SMG6: variants seen among roughly 807,000 people sequenced by gnomAD.
SMG6 encodes telomerase-binding protein EST1A.
Under a neutral mutation model 142.2 loss-of-function variants are expected in SMG6, and 66 were observed. The observed-to-expected ratio is 0.46, with a 90% CI of 0.38 to 0.57. The LOEUF is 0.57. SMG6 is among the 20% of genes least tolerant of loss of function. SMG6 has a pLI of 0.00. For missense variants in SMG6, 1,793 were observed against 1,832.0 expected, an observed-to-expected ratio of 0.98 and a Z score of 0.39; for synonymous variants, 779 against 702.4, an observed-to-expected ratio of 1.11 and a Z score of -1.72.
At chr17:2,234,317 T>C (rs937740871) in intron 10 of SMG6, among the ~76,000 whole-genome samples, 4 of 151,952 alleles carry the variant, frequency 2.6e-5, no homozygotes, top group Non-Finnish European at 5.9e-5. Context: ...GGCTGCAGTA[T>C]AGTTTGCAAT....
chr17:2,250,764 G>A (rs960120813), intron 8 of SMG6, among the ~76,000 whole-genome samples: 3 of 152,078 alleles, frequency 2.0e-5, no homozygotes, highest in Non-Finnish European at 4.4e-5. Flanking sequence ...AACATAGGTG[G>A]AGACCAAATT....
chr17:2,110,355 G>A (rs548271424), intron 13 of SMG6, among the ~76,000 whole-genome samples: 2 of 152,084 alleles, frequency 1.3e-5, no homozygotes, highest in African/African-American at 4.8e-5. Context: ...GCCCTGTTGC[G>A]AGTTTCTGGT....
In SMG6 at chr17:2,207,424, A is replaced by G. The variant is rs145619229; in HGVS notation, c.2870-18909T>C. 2.9e-3 allele frequency among the ~76,000 whole-genome samples: 442 copies of G among 152,332 alleles called. 8 individuals are homozygous for G. Among genetic ancestry groups the G allele is most frequent in the East Asian group, 9.6e-4 (5 of 5,196 alleles). ...CAGTTGTTTAGTCAACATTCTGTACATGACACCTCTGACTAAGGGTCAGAG... is the reference window on the plus strand; with the variant it reads ...CAGTTGTTTAGTCAACATTCTGTACGTGACACCTCTGACTAAGGGTCAGAG... On this transcript the variant is annotated intron_variant, in intron 10 of 18. Coordinates refer to ENST00000263073, the MANE Select transcript of SMG6 (RefSeq NM_017575.5).
intron 13 of SMG6, among the ~76,000 whole-genome samples, chr17:2,104,243 G>A (rs2069093994): frequency 4.0e-5 from 6 of 151,880 alleles, no homozygotes; most frequent in East Asian, 1.9e-4. Flanking sequence ...GAGCCACCGC[G>A]CCCGGCCACA....
intron 10 of SMG6, among the ~76,000 whole-genome samples, chr17:2,209,352 G>A (rs747411631): frequency 2.0e-5 from 3 of 151,964 alleles, no homozygotes; most frequent in Admixed American, 6.6e-5. Context: ...ACACGTGCAC[G>A]CCACCATGCC....
Position 2,128,784 on chromosome 17 carries a change from A to G in SMG6, c.3358-42883T>C, listed in dbSNP as rs138212879. On this transcript the variant is annotated intron_variant, in intron 13 of 18. Coordinates refer to ENST00000263073, the MANE Select transcript of SMG6 (RefSeq NM_017575.5). ...GGTTGCACTGAGCCAAGATCGCGCC[A>G]CGGCACTCTAGCCTGGGTGACAGAG... Among the ~76,000 whole-genome samples, 166 of 144,502 alleles carry G rather than the reference A, an allele frequency of 1.1e-3. 2 individuals are homozygous for G. The highest frequency in any genetic ancestry group is 3.0e-3 in the Admixed American group (42 of 14,012). The allele number at this position is 144,502 out of a possible 152,430, so 94.8% of individuals were successfully genotyped here.
chr17:2,131,758 G>C (rs1465789804), intron 13 of SMG6, among the ~76,000 whole-genome samples: 1 of 152,130 alleles, frequency 6.6e-6, no homozygotes, highest in Non-Finnish European at 1.5e-5. Flanking sequence ...ATTCAGACTT[G>C]CAAATCAATA....
intron 13 of SMG6, among the ~76,000 whole-genome samples, chr17:2,114,954 A>AT (rs2069456072): frequency 1.2e-5 from 1 of 85,018 alleles, no homozygotes; most frequent in African/African-American, 5.8e-5. Context: ...AATAAAATAA[A>AT]AAAATGAAAT....
At chr17:2,275,283 A>G (rs1332556032) in intron 8 of SMG6, among the ~76,000 whole-genome samples, 2 of 152,096 alleles carry the variant, frequency 1.3e-5, no homozygotes, top group South Asian at 2.1e-4. Context: ...TCAGCTGGGC[A>G]TGGTGGTGCG....
At chr17:2,077,221 A>G (rs1242149075) in intron 15 of SMG6, among the ~76,000 whole-genome samples, 1 of 152,184 alleles carries the variant, frequency 6.6e-6, no homozygotes, top group Admixed American at 6.5e-5. Flanking sequence ...TGCTAAACTG[A>G]GCTGAAGACA....
intron 18 of SMG6, among the ~76,000 whole-genome samples, chr17:2,063,846 G>A (rs1051220633): frequency 1.3e-5 from 2 of 152,120 alleles, no homozygotes; most frequent in Non-Finnish European, 2.9e-5. Flanking sequence ...AGGTGGCCTC[G>A]GGTGAGGGGA....
At chr17:2,067,713 C>G (rs1398158575) in intron 16 of SMG6, among the ~76,000 whole-genome samples, 1 of 152,148 alleles carries the variant, frequency 6.6e-6, no homozygotes, top group African/African-American at 2.4e-5. Flanking sequence ...AGGGCTGCTT[C>G]GGTGCCAACA....
At position 2,303,777 on chromosome 17, in the gene SMG6, A is replaced by T; in HGVS notation, c.-57T>A. On this transcript the variant is annotated 5_prime_UTR_variant, in exon 1 of 19. Coordinates refer to ENST00000263073, the MANE Select transcript of SMG6 (RefSeq NM_017575.5). ...CCGCCACCGCCGCGCGCAGCCAGGA[A>T]ACCACCACAGACGGGCGGCGCGCGC... is the stretch of plus-strand genomic sequence containing the variant. 7.0e-7 allele frequency: 1 copy of T among 1,418,978 alleles called. No individual in the cohort carries two copies. The highest frequency in any genetic ancestry group is 9.4e-7 in the Non-Finnish European group (1 of 1,067,738). 87.9% of individuals were successfully genotyped at this position (1,418,978 alleles called of 1,614,324 possible).
At chr17:2,087,682 A>G (rs914286854) in intron 13 of SMG6, 2 of 988,760 alleles carry the variant, frequency 2.0e-6, no homozygotes, top group Non-Finnish European at 2.4e-6. Flanking sequence ...CATTGCGTGT[A>G]TTCAAACATG....
intron 8 of SMG6, among the ~76,000 whole-genome samples, chr17:2,254,992 GAAC>G (rs2151320996): frequency 6.6e-6 from 1 of 152,230 alleles, no homozygotes; most frequent in East Asian, 1.9e-4. Context: ...TAAGCAAAGG[GAAC>G]AACATATATG....
chr17:2,273,751 C>T lies in SMG6; in HGVS notation c.2661+8896G>A, dbSNP rs567022719. Among the ~76,000 whole-genome samples, 9 of 151,776 alleles carry T rather than the reference C, an allele frequency of 5.9e-5. No homozygotes were observed. The South Asian group carries it at 1.7e-3, about 28-fold the overall frequency. On this transcript the variant is annotated intron_variant, in intron 8 of 18. Coordinates refer to ENST00000263073, the MANE Select transcript of SMG6 (RefSeq NM_017575.5). ...GGCAGAGGTTGCAGTGAGCAGAGAT[C>T]GCGCCACTGCACTCCACCCTGGGCA...
chr17:2,222,549 CGGGGGGGGGG>C lies in SMG6; in HGVS notation c.2869+13933_2869+13942del, dbSNP rs77237774. 2.4e-3 allele frequency among the ~76,000 whole-genome samples: 18 copies of C among 7,486 alleles called. 3 individuals carry two copies. The highest frequency in any genetic ancestry group is 6.5e-3 in the African/African-American group (16 of 2,470). 4.9% of individuals were successfully genotyped at this position (7,486 alleles called of 152,430 possible). A position where few individuals can be genotyped will look rare whatever the true frequency, so the allele number is the denominator to read the frequency against. The stretch of plus-strand genomic sequence containing the variant: ...AGCTCAGAGAGAGGCAATGCGGGGG[CGGGGGGGGGG>C]GGGGGGGGCAGGAGAAGAGGTCCAT... On this transcript the variant is annotated intron_variant, in intron 10 of 18. Coordinates refer to ENST00000263073, the MANE Select transcript of SMG6 (RefSeq NM_017575.5).
chr17:2,121,690 A>G (rs529601354), intron 13 of SMG6, among the ~76,000 whole-genome samples: 1 of 148,772 alleles, frequency 6.7e-6, no homozygotes, highest in East Asian at 2.0e-4. Context: ...CAGTAGCATG[A>G]TTTTGGGCTC....
chr17:2,061,620 C>CT lies in SMG6; in HGVS notation c.4131_4132insA (p.Glu1378ArgfsTer15). The CT allele has an allele frequency of 6.4e-7, 1 of 1,570,762 alleles. No individual in the cohort carries two copies. Among genetic ancestry groups the CT allele is most frequent in the Non-Finnish European group, 8.6e-7 (1 of 1,157,762 alleles). On this transcript the variant is annotated frameshift_variant and splice_region_variant, in exon 19 of 19. Coordinates refer to ENST00000263073, the MANE Select transcript of SMG6 (RefSeq NM_017575.5). LOFTEE classifies it high-confidence loss of function. ...ACCTCCCGCAGTAGCCGGATTGGCT[C>CT]CTCTGTGGGCATGAGAGAGCAGAAG... is the stretch of plus-strand genomic sequence containing the variant.
Sources: allele counts gnomAD v4.1 joint callset (sites outside exome capture counted in the v4.1 genomes callset), GRCh38; gene constraint gnomAD v4.1.1; transcripts MANE v1.5; gene names NCBI Gene and HGNC (gene_info 2026-07-23, HGNC 2026-07-21).